The following CCDC191 variants were observed in gnomAD, a reference collection of about 807,000 sequenced individuals.
The protein encoded by CCDC191 is coiled-coil domain-containing protein 191.
Under a neutral mutation model 114.0 loss-of-function variants are expected in CCDC191, and 99 were observed. The ratio of observed to expected loss-of-function variants is 0.87; its 90% CI spans 0.74 to 1.03. The LOEUF (loss-of-function observed/expected upper bound fraction) is 1.03, where lower values mean the gene tolerates loss of function less well. Among genes scored for constraint, CCDC191 ranks in the 50% least tolerant of loss-of-function variants. The pLI is 0.00. For missense variants in CCDC191, 973 were observed against 1,087.0 expected, an observed-to-expected ratio of 0.90 and a Z score of 1.47; for synonymous variants, 351 against 376.0, an observed-to-expected ratio of 0.93 and a Z score of 0.77.
intron 2 of CCDC191, among the ~76,000 whole-genome samples, chr3:114,051,133 G>A (rs2076693690): frequency 6.6e-6 from 1 of 152,036 alleles, no homozygotes; most frequent in South Asian, 2.1e-4. Context: ...ACAAAGCATG[G>A]TTCACAACAT....
At chr3:113,997,209 G>A (rs1406929279) in intron 13 of CCDC191, among the ~76,000 whole-genome samples, 1 of 152,024 alleles carries the variant, frequency 6.6e-6, no homozygotes, top group Non-Finnish European at 1.5e-5. Context: ...CTGTCAGAGG[G>A]CATTTACAAA....
intron 1 of CCDC191, among the ~76,000 whole-genome samples, chr3:114,055,712 C>T (rs1255489177): frequency 6.6e-6 from 1 of 152,184 alleles, no homozygotes; most frequent in East Asian, 1.9e-4. Context: ...GGAAAGCACA[C>T]GGTGCAACTG....
At chr3:114,050,885 C>T (rs1382577702) in intron 2 of CCDC191, among the ~76,000 whole-genome samples, 3 of 152,126 alleles carry the variant, frequency 2.0e-5, no homozygotes, top group Non-Finnish European at 4.4e-5. Context: ...ATGAGTCAGT[C>T]CATCTCATCA....
intron 8 of CCDC191, among the ~76,000 whole-genome samples, chr3:114,017,176 A>G (rs1458769483): frequency 2.0e-5 from 3 of 150,290 alleles, no homozygotes; most frequent in Non-Finnish European, 4.4e-5. Context: ...TCAGAAGTTG[A>G]CGTACTTGAC....
In CCDC191 at chr3:113,978,210, T is replaced by C; in HGVS notation, c.2582A>G (p.Glu861Gly). ...CCTGTCACTGTGCTCCGCTGCAATC[T>C]CATGCTTGCCCTGAGAATCGATCTT... ...EVKIDSQGKH[E>G]IAAEHSDRRI... Residue 861 changes from glutamate (E) to glycine (G), a missense_variant, in exon 16 of 17, where the codon GAG (glutamate) becomes GGG (glycine). Coordinates refer to ENST00000295878, the MANE Select transcript of CCDC191 (RefSeq NM_020817.2). 1 of 1,614,072 alleles carries C rather than the reference T, an allele frequency of 6.2e-7. No individual in the cohort carries two copies. The highest frequency in any genetic ancestry group is 8.5e-7 in the Non-Finnish European group (1 of 1,179,952).
chr3:114,008,087 T>C (rs1450388675), intron 9 of CCDC191, among the ~76,000 whole-genome samples: 1 of 147,226 alleles, frequency 6.8e-6, no homozygotes, highest in African/African-American at 2.5e-5. Context: ...TTACTATATA[T>C]ATAAATTACT....
At chr3:114,013,357 G>T (rs2076105809) in intron 8 of CCDC191, among the ~76,000 whole-genome samples, 1 of 152,194 alleles carries the variant, frequency 6.6e-6, no homozygotes, top group African/African-American at 2.4e-5. Flanking sequence ...CCAGAGACAA[G>T]GATAGTTCCA....
chr3:113,981,945 A>G (rs2075167599), intron 13 of CCDC191, among the ~76,000 whole-genome samples: 1 of 152,220 alleles, frequency 6.6e-6, no homozygotes, highest in African/African-American at 2.4e-5. Flanking sequence ...TTTCTCATGC[A>G]TAGTAAGAGG....
chr3:113,989,977 G>A (rs2075502648), intron 13 of CCDC191, among the ~76,000 whole-genome samples: 1 of 152,070 alleles, frequency 6.6e-6, no homozygotes, highest in Non-Finnish European at 1.5e-5. Flanking sequence ...ACAGAACAAG[G>A]CCCTGTCTCT....
At position 114,005,589 on chromosome 3, in the gene CCDC191, G is replaced by A; in HGVS notation, c.1787C>T (p.Ala596Val). The A allele has an allele frequency of 1.2e-6, 2 of 1,614,136 alleles. No homozygotes were observed. The highest frequency in any genetic ancestry group is 1.7e-6 in the Non-Finnish European group (2 of 1,180,006). The change falls in exon 10 of 17, where the codon GCC becomes GTC. Residue 596 changes from alanine to valine, a missense_variant. Transcript: ENST00000295878. ...LAEAQWAAEHALAVTEAQSHL... is the reference protein window; with the variant it reads ...LAEAQWAAEHVLAVTEAQSHL... ...GCTCTGTGCTTCTGTGACTGCTAAG[G>A]CATGCTCTGCTGCCCACTGAGCCTC...
Position 113,978,253 on chromosome 3 carries a change from T to A in CCDC191, c.2539A>T (p.Asn847Tyr). 1 of 1,614,012 alleles carries A rather than the reference T, an allele frequency of 6.2e-7. No homozygotes were observed. The change falls in exon 16 of 17, where the codon AAC becomes TAC. Residue 847 changes from asparagine (N) to tyrosine (Y), a missense_variant. Asn to Tyr is a moderately radical substitution (Grantham distance 143, BLOSUM62 -2). Transcript: ENST00000295878. Reference protein sequence around the residue: ...LQKKIFRAWFNMVREVKIDSQ... With the variant: ...LQKKIFRAWFYMVREVKIDSQ... ...TCGATCTTCACCTCCCTGACCATGT[T>A]AAACCAGGCCCTGAAAATCTTCTTT...
chr3:113,989,617 AG>A (rs2075488528), intron 13 of CCDC191, among the ~76,000 whole-genome samples: 1 of 152,254 alleles, frequency 6.6e-6, no homozygotes, highest in African/African-American at 2.4e-5. Context: ...AACTAAGTAA[AG>A]ATAAAAATAT....
At chr3:114,024,486 G>A (rs2107710973) in intron 7 of CCDC191, among the ~76,000 whole-genome samples, 1 of 152,342 alleles carries the variant, frequency 6.6e-6, no homozygotes, top group East Asian at 1.9e-4. Context: ...TTAAGAAAAT[G>A]TGGCACATAT....
rs6784095 is a variant in CCDC191 at position 114,001,670 on chromosome 3, T to A, written c.2088A>T (p.Glu696Asp). 205,943 of 1,613,380 alleles carry A rather than the reference T, an allele frequency of 0.13. 13,921 individuals carry two copies. The highest frequency in any genetic ancestry group is 0.19 in the Admixed American group (11,255 of 59,992). The change falls in exon 13 of 17, where the codon GAA becomes GAT. Residue 696 changes from glutamate to aspartate, a missense_variant. Transcript: ENST00000295878. ...TTTCTTCTGCCTCCCTTTTCTGACG[T>A]TCCTCCTCTTGGGCCTTTAACTGGG... ...KLAQLKAQEEERQKREAEEKE... is the reference protein window; with the variant it reads ...KLAQLKAQEEDRQKREAEEKE...
At chr3:113,967,386 T>G (rs1256447028) in intron 16 of CCDC191, among the ~76,000 whole-genome samples, 3 of 115,334 alleles carry the variant, frequency 2.6e-5, no homozygotes, top group Non-Finnish European at 6.0e-5. Flanking sequence ...TTTCTCTTTC[T>G]TTCCCTACAT....
intron 4 of CCDC191, 71 bp from the exon 5 acceptor site, chr3:114,036,857 C>G: frequency 3.0e-6 from 3 of 996,854 alleles, no homozygotes; most frequent in Non-Finnish European, 4.1e-6. Flanking sequence ...TTCATATTTA[C>G]ATAAAGAATC....
At chr3:114,024,660 G>A (rs1223616098) in intron 7 of CCDC191, among the ~76,000 whole-genome samples, 2 of 151,914 alleles carry the variant, frequency 1.3e-5, no homozygotes, top group Non-Finnish European at 2.9e-5. Flanking sequence ...TGAGAACACA[G>A]GGACACAGGA....
At chr3:114,031,255 A>G (rs1434344567) in intron 7 of CCDC191, among the ~76,000 whole-genome samples, 1 of 152,218 alleles carries the variant, frequency 6.6e-6, no homozygotes, top group Non-Finnish European at 1.5e-5. Context: ...CCAGAACACA[A>G]TGGTCCTTAC....
chr3:114,046,612 G>T lies in CCDC191; in HGVS notation c.250C>A (p.His84Asn), dbSNP rs138852073. ...DLKTSEQIED[H>N]DEIYAEAQEL... The stretch of plus-strand genomic sequence containing the variant: ...TTACCTTCTGCATAGATTTCATCAT[G>T]ATCCTCTATTTGCTCAGATGTTTTC... The change falls in exon 3 of 17, where the codon CAT (histidine) becomes AAT (asparagine). Residue 84 changes from histidine to asparagine, a missense_variant. By Grantham distance (68) the His-to-Asn change is moderately conservative. Transcript: ENST00000295878. The T allele has an allele frequency of 8.4e-3, 13,455 of 1,597,676 alleles. 72 individuals carry two copies. The highest frequency in any genetic ancestry group is 0.01 in the Non-Finnish European group (11,999 of 1,165,270).
Sources: gnomAD v4.1 joint callset for allele counts (sites outside exome capture counted in the v4.1 genomes callset) on GRCh38, gnomAD v4.1.1 for gene constraint, MANE v1.5 for transcripts, NCBI Gene and HGNC (gene_info 2026-07-23, HGNC 2026-07-21) for gene names.